Variants in CDCA2 observed in about 807,000 individuals in gnomAD.
CDCA2 encodes cell division cycle-associated protein 2.
A neutral mutation model predicts 67.0 loss-of-function variants in CDCA2; 44 were observed. That is an observed-to-expected ratio of 0.66 (90% confidence interval 0.52 to 0.84). The LOEUF is 0.84. Among genes scored for constraint, CDCA2 ranks in the 40% least tolerant of loss-of-function variants. The pLI is 0.00. For missense variants in CDCA2, 1,253 were observed against 1,203.2 expected (o/e 1.04, Z -0.61); for synonymous variants, 447 against 418.7 (o/e 1.07, Z -0.82).
Position 25,506,765 on chromosome 8 carries a change from G to T in CDCA2, c.2099G>T (p.Ser700Ile), listed in dbSNP as rs1436753176. Residue 700 changes from serine (S) to isoleucine (I), a missense_variant, in exon 15 of 15, where the codon AGT becomes ATT. By Grantham distance (142) the Ser-to-Ile change is moderately radical. Coordinates refer to ENST00000330560, the MANE Select transcript of CDCA2 (RefSeq NM_152562.4). The part of the protein sequence containing the change: ...NIPKAKNKSE[S>I]ENEPKAGTDS... Reference sequence around the variant, plus strand: ...CCAAAAGCAAAAAATAAGTCAGAAAGTGAAAATGAACCAAAAGCTGGAACT... The same window carrying T: ...CCAAAAGCAAAAAATAAGTCAGAAATTGAAAATGAACCAAAAGCTGGAACT... 1.9e-6 allele frequency: 3 copies of T among 1,613,442 alleles called. No individual in the cohort carries two copies. Among genetic ancestry groups the T allele is most frequent in the Non-Finnish European group, 2.5e-6 (3 of 1,179,920 alleles).
intron 10 of CDCA2, among the ~76,000 whole-genome samples, chr8:25,485,343 A>G (rs1452086601): frequency 6.6e-6 from 1 of 152,064 alleles, no homozygotes; most frequent in Non-Finnish European, 1.5e-5. Context: ...TGTCTTACCA[A>G]CAATTATGTG....
At chr8:25,501,323 T>C (rs908371679) in intron 13 of CDCA2, among the ~76,000 whole-genome samples, 7 of 152,254 alleles carry the variant, frequency 4.6e-5, no homozygotes, top group Non-Finnish European at 7.3e-5. Context: ...TTCTGTACTC[T>C]TGAATCTCAC....
chr8:25,489,672 T>C (rs1027928049), intron 13 of CDCA2, among the ~76,000 whole-genome samples: 5 of 152,242 alleles, frequency 3.3e-5, no homozygotes, highest in African/African-American at 1.2e-4. Flanking sequence ...GTTCTGTTCT[T>C]AATGGACATC....
chr8:25,469,835 A>G, intron 6 of CDCA2, 61 bp from the exon 7 acceptor site: 1 of 1,028,800 alleles, frequency 9.7e-7, no homozygotes, highest in Non-Finnish European at 1.5e-6. Flanking sequence ...TCAAATCTTC[A>G]AAAAGGCATT....
chr8:25,468,562 T>TGTGC (rs1554520637), intron 6 of CDCA2, 149 bp downstream of exon 6: 31 of 452,578 alleles, frequency 6.8e-5, no homozygotes, highest in African/African-American at 3.4e-4. Context: ...TGTGTGCGTG[T>TGTGC]GTGTGTGTGT....
Position 25,506,890 on chromosome 8 carries a change from G to T in CDCA2, c.2224G>T (p.Gly742Cys), listed in dbSNP as rs1364275101. The T allele has an allele frequency of 3.1e-6, 5 of 1,611,630 alleles. No homozygotes were observed. The highest frequency in any genetic ancestry group is 4.2e-6 in the Non-Finnish European group (5 of 1,178,810). ...TLQQGQEFSAGGQNAENLCQF... is the reference protein window; with the variant it reads ...TLQQGQEFSACGQNAENLCQF... ...GCAGCAGGGTCAAGAATTTTCTGCTGGTGGTCAAAATGCAGAAAACCTTTG... is the reference window on the plus strand; with the variant it reads ...GCAGCAGGGTCAAGAATTTTCTGCTTGTGGTCAAAATGCAGAAAACCTTTG... The change falls in exon 15 of 15, where the codon GGT becomes TGT. Residue 742 changes from glycine (G) to cysteine (C), a missense_variant. Transcript: ENST00000330560.
chr8:25,481,103 A>G (rs1257922377), intron 8 of CDCA2, among the ~76,000 whole-genome samples: 1 of 152,084 alleles, frequency 6.6e-6, no homozygotes, highest in African/African-American at 2.4e-5. Flanking sequence ...GCTATTTGTA[A>G]AGCTTTAACA....
chr8:25,500,076 A>G (rs1241759331), intron 13 of CDCA2, among the ~76,000 whole-genome samples: 1 of 152,190 alleles, frequency 6.6e-6, no homozygotes, highest in Non-Finnish European at 1.5e-5. Flanking sequence ...GCCCATGACC[A>G]TGAAAAAACA....
intron 8 of CDCA2, among the ~76,000 whole-genome samples, chr8:25,482,951 G>A (rs942517903): frequency 6.6e-6 from 1 of 152,090 alleles, no homozygotes; most frequent in Admixed American, 6.6e-5. Context: ...TAAAGTATAC[G>A]GGAGGATGTA....
At chr8:25,503,327 G>A (rs1423982909) in intron 13 of CDCA2, 46 bp from the exon 14 acceptor site, 5 of 1,429,590 alleles carry the variant, frequency 3.5e-6, no homozygotes, top group Non-Finnish European at 3.9e-6. Flanking sequence ...AATTTTACAT[G>A]GTGCTACATC....
rs115925873 is a variant in CDCA2 at position 25,488,617 on chromosome 8, A to G, written c.1599A>G (p.Lys533=). The stretch of plus-strand genomic sequence containing the variant: ...TGAATACAGAAGTTCAGCCTTGTAA[A>G]GAAAAGAAAATTAATAGGAGGAAGT... ...NLLNTEVQPC[K]EKKINRRKSQ... Residue 533 remains lysine (K), a synonymous_variant, in exon 13 of 15, where the codon AAA becomes AAG. Transcript: ENST00000330560. The G allele has an allele frequency of 9.1e-4, 1,472 of 1,613,402 alleles. 14 individuals are homozygous for G. The African/African-American group carries it at 0.017, about 19-fold the overall frequency.
At chr8:25,504,744 A>G (rs1385838149) in intron 14 of CDCA2, among the ~76,000 whole-genome samples, 4 of 152,002 alleles carry the variant, frequency 2.6e-5, no homozygotes, top group Non-Finnish European at 5.9e-5. Context: ...CCACCACTCT[A>G]CCTTTAATCT....
rs552900987 is a variant in CDCA2, at chr8:25,466,718, G to C, written c.538+393G>C. 2.0e-5 allele frequency among the ~76,000 whole-genome samples: 3 copies of C among 152,138 alleles called. No homozygotes were observed. The South Asian group carries it at 6.2e-4, about 32-fold the overall frequency. On this transcript the variant is annotated intron_variant, in intron 5 of 14. Transcript: ENST00000330560. ...AAATAAATTCATATAAATTTTATATGAGTACCAAACACCCAACCCTGATGT... is the reference window on the plus strand; with the variant it reads ...AAATAAATTCATATAAATTTTATATCAGTACCAAACACCCAACCCTGATGT...
chr8:25,491,266 G>C (rs1387786029), intron 13 of CDCA2, among the ~76,000 whole-genome samples: 1 of 152,034 alleles, frequency 6.6e-6, no homozygotes, highest in African/African-American at 2.4e-5. Flanking sequence ...TAAAAGAAGA[G>C]GATTTCCCAA....
At chr8:25,504,361 G>A (rs1804594259) in intron 14 of CDCA2, among the ~76,000 whole-genome samples, 1 of 151,200 alleles carries the variant, frequency 6.6e-6, no homozygotes, top group Non-Finnish European at 1.5e-5. Context: ...AAACTCTTGG[G>A]CTCAAACAAT....
intron 13 of CDCA2, among the ~76,000 whole-genome samples, chr8:25,494,092 T>G (rs899748123): frequency 6.6e-6 from 1 of 152,144 alleles, no homozygotes; most frequent in Non-Finnish European, 1.5e-5. Context: ...TCCATACACT[T>G]CTATACAGTG....
At chr8:25,486,089 ATGGAG>A (rs1803764498) in intron 11 of CDCA2, among the ~76,000 whole-genome samples, 1 of 152,094 alleles carries the variant, frequency 6.6e-6, no homozygotes, top group African/African-American at 2.4e-5. Context: ...GCTAGAAGCA[ATGGAG>A]TTAGCCTCTC....
At chr8:25,468,548 T>TGTGTGTGTGTGTGTGC (rs1169531532) in intron 6 of CDCA2, 135 bp downstream of exon 6, 2 of 522,028 alleles carry the variant, frequency 3.8e-6, no homozygotes, top group African/African-American at 3.9e-5. Flanking sequence ...TGTGTGTGTG[T>TGTGTGTGTGTGTGTGC]GTGTGTGTGC....
chr8:25,468,423 T>G lies in CDCA2; in HGVS notation c.735+10T>G. The G allele has an allele frequency of 1.2e-6, 2 of 1,605,624 alleles. No individual in the cohort carries two copies. The highest frequency in any genetic ancestry group is 1.1e-5 in the South Asian group (1 of 90,240). ...TGTAGATCTTTCTGAGGTAATTCACTTACTTTACGCATAGGAAAATGAAGT... is the reference window on the plus strand; with the variant it reads ...TGTAGATCTTTCTGAGGTAATTCACGTACTTTACGCATAGGAAAATGAAGT... On this transcript the variant is annotated intron_variant, in intron 6 of 14. Transcript: ENST00000330560.
Sources: gnomAD v4.1 joint callset for allele counts (sites outside exome capture counted in the v4.1 genomes callset) on GRCh38, gnomAD v4.1.1 for gene constraint, MANE v1.5 for transcripts, NCBI Gene and HGNC (gene_info 2026-07-23, HGNC 2026-07-21) for gene names.